Variants in DPYSL2 observed in about 807,000 individuals in gnomAD.
The protein encoded by DPYSL2 is dihydropyrimidinase-related protein 2.
A neutral mutation model predicts 69.9 loss-of-function variants in DPYSL2; 13 were observed. The ratio of observed to expected loss-of-function variants is 0.19; its 90% confidence interval spans 0.12 to 0.30. DPYSL2 has a LOEUF of 0.30. Among genes scored for constraint, DPYSL2 ranks in the 10% least tolerant of loss-of-function variants. The pLI is 1.00. For synonymous variants in DPYSL2, 326 were observed against 359.1 expected (o/e 0.91, Z 1.04); for missense variants, 587 against 918.9 (o/e 0.64, Z 4.67).
At chr8:26,547,799 T>C in intron 1 of DPYSL2, 1 of 361,790 alleles carries the variant, frequency 2.8e-6, no homozygotes. Flanking sequence ...GCTGAGGAAT[T>C]CCCCTACAGA....
In DPYSL2 at chr8:26,514,207, G is replaced by T; in HGVS notation, c.-119G>T. The T allele has an allele frequency of 1.1e-6, 1 of 900,990 alleles. No individual in the cohort carries two copies. The highest frequency in any genetic ancestry group is 1.5e-6 in the Non-Finnish European group (1 of 647,134). The allele number at this position is 900,990 out of a possible 1,614,324, so 55.8% of individuals were successfully genotyped here. A position where few individuals can be genotyped will look rare whatever the true frequency, so the allele number is the denominator to read the frequency against. ...CCTCCTTCCTTTCTGTGCACCTTGCGGTGGGCGGCGAACGGCAGCCGCGGC... is the reference window on the plus strand; with the variant it reads ...CCTCCTTCCTTTCTGTGCACCTTGCTGTGGGCGGCGAACGGCAGCCGCGGC... On this transcript the variant is annotated 5_prime_UTR_variant, in exon 1 of 14. Transcript: ENST00000521913. This position sits in a 1 kb window ranked among gnomAD's most constrained non-coding sequence, Gnocchi z 8.4.
rs560993858 is a variant in DPYSL2, at chr8:26,591,939, G to T, written c.628+7956G>T. Among the ~76,000 whole-genome samples, 4 of 152,316 alleles carry T rather than the reference G, an allele frequency of 2.6e-5. No homozygotes were observed. The highest frequency in any genetic ancestry group is 6.5e-5 in the Admixed American group (1 of 15,300). On this transcript the variant is annotated intron_variant, in intron 3 of 13. Transcript: ENST00000521913. The surrounding 1 kb of genome is among the most constrained non-coding windows in gnomAD (Gnocchi z 5.8). ...TTGTAGGGGAAAGGGTGTTTAGTAA[G>T]CAGGCATATACCCACGGAGTCGCTT...
chr8:26,624,263 A>G lies in DPYSL2; in HGVS notation c.749A>G (p.His250Arg). 1.2e-6 allele frequency: 2 copies of G among 1,614,238 alleles called. No homozygotes were observed. Among genetic ancestry groups the G allele is most frequent in the Non-Finnish European group, 1.7e-6 (2 of 1,180,026 alleles). ...YSLHVDISEW[H>R]KGIQEEMEAL... ...CTGCATGTGGACATCAGTGAGTGGC[A>G]TAAGGGCATCCAGGAGGAGATGGAA... Residue 250 changes from histidine (H) to arginine (R), a missense_variant, in exon 4 of 14, where the codon CAT becomes CGT. Physicochemically the swap from His to Arg is conservative, Grantham distance 29 (BLOSUM62 0). Around this residue, in one of 3 missense-constraint regions of DPYSL2, gnomAD observed 452 missense variants for 754.3 expected, o/e 0.60. Transcript: ENST00000521913. This position sits in a 1 kb window ranked among gnomAD's most constrained non-coding sequence, Gnocchi z 4.7.
At position 26,653,510 on chromosome 8, in the gene DPYSL2, T is replaced by C. The variant is rs1471980150; in HGVS notation, c.1942+113T>C. On this transcript the variant is annotated intron_variant, in intron 13 of 13. Transcript: ENST00000521913. This position sits in a 1 kb window ranked among gnomAD's most constrained non-coding sequence, Gnocchi z 5.7. ...GAAATAGAAGTGAATGATATTCCCT[T>C]TCTCTCCAACGTGAGAAATACAGTG... 3.5e-6 allele frequency: 4 copies of C among 1,157,130 alleles called. No individual in the cohort carries two copies. The highest frequency in any genetic ancestry group is 3.1e-5 in the African/African-American group (2 of 64,622). The allele number at this position is 1,157,130 out of a possible 1,614,324, so 71.7% of individuals were successfully genotyped here. A position where few individuals can be genotyped will look rare whatever the true frequency, so the allele number is the denominator to read the frequency against.
At chr8:26,518,503 C>T (rs1341918444) in intron 1 of DPYSL2, among the ~76,000 whole-genome samples, 7 of 152,162 alleles carry the variant, frequency 4.6e-5, no homozygotes, top group African/African-American at 1.7e-4. Flanking sequence ...TTAAGTGCAG[C>T]TCAGTGGTGT....
intron 1 of DPYSL2, among the ~76,000 whole-genome samples, chr8:26,551,788 C>T (rs1253945942): frequency 6.6e-6 from 1 of 152,088 alleles, no homozygotes; most frequent in Non-Finnish European, 1.5e-5. Flanking sequence ...GCTGGAAAAT[C>T]CCCAAATATT....
At chr8:26,602,977 C>T (rs140146967) in intron 3 of DPYSL2, among the ~76,000 whole-genome samples, 4 of 152,208 alleles carry the variant, frequency 2.6e-5, no homozygotes, top group African/African-American at 9.6e-5. Context: ...ATGGGGTGGG[C>T]AGGAGAAGGG....
rs1803291463 is a variant in DPYSL2 at position 26,652,202 on chromosome 8, G to A, written c.1597-55G>A. 1 of 1,532,140 alleles carries A rather than the reference G, an allele frequency of 6.5e-7. No homozygotes were observed. Among genetic ancestry groups the A allele is most frequent in the East Asian group, 2.3e-5 (1 of 43,414 alleles). The allele number at this position is 1,532,140 out of a possible 1,614,324, so 94.9% of individuals were successfully genotyped here. The stretch of plus-strand genomic sequence containing the variant: ...GTTGGGGCAGTGGGTGCTGCCGGGT[G>A]GATTGAGTCCAGCCAGAGTGGCCTG... On this transcript the variant is annotated intron_variant, in intron 11 of 13. Transcript: ENST00000521913. This position sits in a 1 kb window ranked among gnomAD's most constrained non-coding sequence, Gnocchi z 6.3.
At chr8:26,583,647 G>A in intron 2 of DPYSL2, 152 bp from the exon 3 acceptor site, 1 of 684,746 alleles carries the variant, frequency 1.5e-6, no homozygotes, top group Non-Finnish European at 2.3e-6. Flanking sequence ...GGGGGTAGGA[G>A]TATATAGTGT....
At chr8:26,601,534 T>C (rs886912447) in intron 3 of DPYSL2, among the ~76,000 whole-genome samples, 1 of 152,120 alleles carries the variant, frequency 6.6e-6, no homozygotes, top group Non-Finnish European at 1.5e-5. Flanking sequence ...CCCGCCAACA[T>C]GCCCGGCTAA....
At chr8:26,639,140 A>G (rs1244673380) in intron 8 of DPYSL2, among the ~76,000 whole-genome samples, 2 of 152,206 alleles carry the variant, frequency 1.3e-5, no homozygotes, top group Non-Finnish European at 2.9e-5. Flanking sequence ...TGAGAAGCAC[A>G]TGGTCGCAGG....
chr8:26,608,346 T>C (rs1802153147), intron 3 of DPYSL2, among the ~76,000 whole-genome samples: 1 of 152,244 alleles, frequency 6.6e-6, no homozygotes, highest in Non-Finnish European at 1.5e-5. Flanking sequence ...TGGAAGATTT[T>C]ATTTTTTTTC....
In DPYSL2 at chr8:26,550,233, T is replaced by C. The variant is rs555113029; in HGVS notation, c.355-31736T>C. On this transcript the variant is annotated intron_variant, in intron 1 of 13. Transcript: ENST00000521913. ...ATAGTGTAATTTGAACATGGACTTG[T>C]TGTAAGTGTATACTGCAAACTCAAG... 2.0e-5 allele frequency among the ~76,000 whole-genome samples: 3 copies of C among 152,272 alleles called. No homozygotes were observed. In the South Asian group the frequency reaches 6.2e-4, roughly 32 times the overall value.
In DPYSL2 at chr8:26,644,106, C is replaced by T. The variant is rs777042144; in HGVS notation, c.1425+15C>T. On this transcript the variant is annotated intron_variant, in intron 10 of 13. Coordinates refer to ENST00000521913, the MANE Select transcript of DPYSL2 (RefSeq NM_001197293.3). The surrounding 1 kb of genome is among the most constrained non-coding windows in gnomAD (Gnocchi z 4.5). ...ACAAGGCTGTGGTAAGGAGCGATGG[C>T]CTCACTCCTTGGTGGCTCTCAGCCT... 37 of 1,612,928 alleles carry T rather than the reference C, an allele frequency of 2.3e-5. No individual in the cohort carries two copies. The highest frequency in any genetic ancestry group is 1.3e-4 in the Admixed American group (8 of 59,934).
In DPYSL2 at chr8:26,643,859, T is replaced by A. The variant is rs1803105443; in HGVS notation, c.1284-91T>A. 1 of 1,493,212 alleles carries A rather than the reference T, an allele frequency of 6.7e-7. No homozygotes were observed. The highest frequency in any genetic ancestry group is 9.0e-7 in the Non-Finnish European group (1 of 1,108,360). The allele number at this position is 1,493,212 out of a possible 1,614,324, so 92.5% of individuals were successfully genotyped here. ...CAAAAGGACTCCACTTGGGTTGGTG[T>A]GATGCCATTCATGAGACAGCCCACC... On this transcript the variant is annotated intron_variant, in intron 9 of 13. Transcript: ENST00000521913. The surrounding 1 kb of genome is among the most constrained non-coding windows in gnomAD (Gnocchi z 6.5).
At chr8:26,594,074 G>A (rs961148835) in intron 3 of DPYSL2, among the ~76,000 whole-genome samples, 1 of 152,116 alleles carries the variant, frequency 6.6e-6, no homozygotes, top group African/African-American at 2.4e-5. Flanking sequence ...GGATGGGAGC[G>A]CTCCAAGAAT....
chr8:26,514,226 C>A lies in DPYSL2; in HGVS notation c.-100C>A. 1.8e-6 allele frequency: 2 copies of A among 1,105,560 alleles called. No individual in the cohort carries two copies. Among genetic ancestry groups the A allele is most frequent in the Non-Finnish European group, 2.4e-6 (2 of 835,646 alleles). The allele number at this position is 1,105,560 out of a possible 1,614,324, so 68.5% of individuals were successfully genotyped here. ...CCTTGCGGTGGGCGGCGAACGGCAGCCGCGGCAGCAGCTAGGGGGCTTGTG... is the reference window on the plus strand; with the variant it reads ...CCTTGCGGTGGGCGGCGAACGGCAGACGCGGCAGCAGCTAGGGGGCTTGTG... On this transcript the variant is annotated 5_prime_UTR_variant, in exon 1 of 14. Coordinates refer to ENST00000521913, the MANE Select transcript of DPYSL2 (RefSeq NM_001197293.3). This position sits in a 1 kb window ranked among gnomAD's most constrained non-coding sequence, Gnocchi z 8.4.
In DPYSL2 at chr8:26,657,622, C is replaced by T. The variant is rs45471201; in HGVS notation, c.*1916C>T. ...GACTTAATATATTTGCTTTTTTTCT[C>T]ACCTGCACTTAGAGGAAATTTGAAC... is the stretch of plus-strand genomic sequence containing the variant. On this transcript the variant is annotated 3_prime_UTR_variant, in exon 14 of 14. Coordinates refer to ENST00000521913, the MANE Select transcript of DPYSL2 (RefSeq NM_001197293.3). 0.088 allele frequency: 13,470 copies of T among 152,460 alleles called. 624 individuals carry two copies. The highest frequency in any genetic ancestry group is 0.13 in the East Asian group (692 of 5,176). The allele number at this position is 152,460 out of a possible 1,614,324, so 9.4% of individuals were successfully genotyped here.
At chr8:26,519,733 T>C (rs1202986842) in intron 1 of DPYSL2, among the ~76,000 whole-genome samples, 1 of 152,160 alleles carries the variant, frequency 6.6e-6, no homozygotes, top group Non-Finnish European at 1.5e-5. Flanking sequence ...GTGGCTCAGT[T>C]ACACTGCCAG....
Sources: gnomAD v4.1 joint callset for allele counts (sites outside exome capture counted in the v4.1 genomes callset) on GRCh38, gnomAD v4.1.1 for gene constraint, gnomAD v4.1.1 regional missense constraint, Gnocchi (gnomAD v3.1) non-coding constraint, MANE v1.5 for transcripts, NCBI Gene and HGNC (gene_info 2026-07-23, HGNC 2026-07-21) for gene names.